The following GXYLT1 variants were observed in gnomAD, a reference collection of about 807,000 sequenced individuals.
GXYLT1 encodes glucoside xylosyltransferase 1.
In GXYLT1, 29 loss-of-function variants were observed where a neutral mutation model predicts 54.0. The observed-to-expected ratio is 0.54, with a 90% CI of 0.40 to 0.73. The LOEUF (loss-of-function observed/expected upper bound fraction) is 0.73, where lower values mean the gene tolerates loss of function less well. GXYLT1 is among the 30% of genes least tolerant of loss of function. GXYLT1 has a pLI of 0.00. For synonymous variants in GXYLT1, 176 were observed against 204.1 expected (o/e 0.86, Z 1.17); for missense variants, 490 against 553.4 (o/e 0.89, Z 1.15).
At chr12:42,101,248 A>G (rs2065388207) in intron 5 of GXYLT1, among the ~76,000 whole-genome samples, 1 of 152,182 alleles carries the variant, frequency 6.6e-6, no homozygotes, top group African/African-American at 2.4e-5. Context: ...TGGGCAAAGG[A>G]TATGGGCAAG....
chr12:42,108,530 C>T (rs543720642), intron 4 of GXYLT1, among the ~76,000 whole-genome samples: 31 of 152,250 alleles, frequency 2.0e-4, no homozygotes, highest in Non-Finnish European at 3.8e-4. Context: ...ATTTCAAAAA[C>T]TTACAAAACC....
Position 42,123,952 on chromosome 12 carries a change from GA to G in GXYLT1, c.315-4782del, listed in dbSNP as rs770173569. ...GCAACACATAATGGACTAAAAGAAA[GA>G]AAAAAAAAAAAGAGTTGTGCTAAAT... is the stretch of plus-strand genomic sequence containing the variant. On this transcript the variant is annotated intron_variant, in intron 2 of 7. Transcript: ENST00000398675. 0.01 allele frequency among the ~76,000 whole-genome samples: 1,159 copies of G among 115,700 alleles called. 33 individuals are homozygous for G. In the East Asian group the frequency reaches 0.12, roughly 12 times the overall value. 75.9% of individuals were successfully genotyped at this position (115,700 alleles called of 152,430 possible).
intron 1 of GXYLT1, among the ~76,000 whole-genome samples, chr12:42,135,719 G>A (rs1282217317): frequency 6.6e-6 from 1 of 152,216 alleles, no homozygotes; most frequent in Non-Finnish European, 1.5e-5. Context: ...GCCACATACT[G>A]TGTGATTCCT....
intron 5 of GXYLT1, among the ~76,000 whole-genome samples, chr12:42,100,745 T>C (rs2065385188): frequency 6.6e-6 from 1 of 152,044 alleles, no homozygotes; most frequent in African/African-American, 2.4e-5. Flanking sequence ...ATTGAGTATG[T>C]TAAGGAAATA....
At chr12:42,093,046 A>G (rs956383254) in intron 7 of GXYLT1, among the ~76,000 whole-genome samples, 1 of 152,208 alleles carries the variant, frequency 6.6e-6, no homozygotes, top group Non-Finnish European at 1.5e-5. Context: ...ATGTCTCAAC[A>G]CCATCAAAAC....
intron 2 of GXYLT1, among the ~76,000 whole-genome samples, chr12:42,127,857 A>G (rs544432558): frequency 1.3e-5 from 2 of 152,360 alleles, no homozygotes; most frequent in South Asian, 4.1e-4. Flanking sequence ...ATTATCTTTA[A>G]AAGTTAATTT....
intron 7 of GXYLT1, among the ~76,000 whole-genome samples, chr12:42,092,840 G>A (rs824727): frequency 0.02 from 2,989 of 151,788 alleles, 113 homozygotes; most frequent in African/African-American, 0.068. Flanking sequence ...ATACACTAAC[G>A]CTAACAATAA....
intron 4 of GXYLT1, among the ~76,000 whole-genome samples, chr12:42,106,421 GATAA>G (rs1237430613): frequency 2.0e-5 from 3 of 152,126 alleles, no homozygotes; most frequent in Non-Finnish European, 4.4e-5. Flanking sequence ...AATTTCCTGA[GATAA>G]ATACAGAAAT....
Position 42,097,967 on chromosome 12 carries a change from GT to G in GXYLT1, c.930del (p.Lys310AsnfsTer2). 6.2e-7 allele frequency: 1 copy of G among 1,604,390 alleles called. No individual in the cohort carries two copies. Reference sequence around the variant, plus strand: ...TCTTGATCACCCCATGTGATGTTTAGTTTGTATTTTTTAAGCAATGGCATAA... The same window carrying G: ...TCTTGATCACCCCATGTGATGTTTAGTTGTATTTTTTAAGCAATGGCATAA... ...DILMPLLKKYKLNITWGDQDL... is the reference protein window; with the variant it reads ...DILMPLLKKYXLNITWGDQDL... On this transcript the variant is annotated frameshift_variant, in exon 6 of 8. Coordinates refer to ENST00000398675, the MANE Select transcript of GXYLT1 (RefSeq NM_173601.2). LOFTEE classifies it high-confidence loss of function.
intron 1 of GXYLT1, among the ~76,000 whole-genome samples, chr12:42,133,582 C>T (rs2065604262): frequency 2.0e-5 from 3 of 152,172 alleles, no homozygotes; most frequent in South Asian, 4.1e-4. Context: ...CAATGCCACA[C>T]CATTCTGATC....
intron 7 of GXYLT1, 54 bp from the exon 8 acceptor site, chr12:42,088,001 G>A (rs824722): frequency 0.74 from 631,826 of 852,984 alleles, 235,609 homozygotes; most frequent in African/African-American, 0.85. Flanking sequence ...AGGTACATAT[G>A]TAAGTTCAAT....
At chr12:42,114,815 G>A (rs1243345851) in intron 3 of GXYLT1, among the ~76,000 whole-genome samples, 1 of 152,276 alleles carries the variant, frequency 6.6e-6, no homozygotes, top group East Asian at 1.9e-4. Context: ...AAGCCTGGCA[G>A]AGACACAACC....
In GXYLT1 at chr12:42,144,722, C is replaced by T. The variant is rs1425794886; in HGVS notation, c.-76G>A. On this transcript the variant is annotated 5_prime_UTR_variant, in exon 1 of 8. Transcript: ENST00000398675. Reference sequence around the variant, plus strand: ...AACTGGAGCGGAGGGAGGGGCACCGCGCAGCCGCGGGCGCAACAAGTTCCT... The same window carrying T: ...AACTGGAGCGGAGGGAGGGGCACCGTGCAGCCGCGGGCGCAACAAGTTCCT... 1 of 1,165,908 alleles carries T rather than the reference C, an allele frequency of 8.6e-7. No homozygotes were observed. 72.2% of individuals were successfully genotyped at this position (1,165,908 alleles called of 1,614,324 possible). A position where few individuals can be genotyped will look rare whatever the true frequency, so the allele number is the denominator to read the frequency against.
chr12:42,129,308 T>C (rs1242077434), intron 2 of GXYLT1, among the ~76,000 whole-genome samples: 1 of 152,208 alleles, frequency 6.6e-6, no homozygotes, highest in Non-Finnish European at 1.5e-5. Flanking sequence ...CTCCATTAAA[T>C]ACTTATCTTT....
Position 42,119,188 on chromosome 12 carries a change from C to A in GXYLT1, c.315-17G>T, listed in dbSNP as rs1374418163. 1 of 1,497,030 alleles carries A rather than the reference C, an allele frequency of 6.7e-7. No homozygotes were observed. Among genetic ancestry groups the A allele is most frequent in the Non-Finnish European group, 9.0e-7 (1 of 1,117,116 alleles). The allele number at this position is 1,497,030 out of a possible 1,614,324, so 92.7% of individuals were successfully genotyped here. On this transcript the variant is annotated splice_polypyrimidine_tract_variant and intron_variant, in intron 2 of 7. Transcript: ENST00000398675. ...AGACTGTACCTAATAGGAAAGAAAACCACATTTTTCAACAGTTTTAGTATA... is the reference window on the plus strand; with the variant it reads ...AGACTGTACCTAATAGGAAAGAAAAACACATTTTTCAACAGTTTTAGTATA...
intron 2 of GXYLT1, among the ~76,000 whole-genome samples, chr12:42,119,476 G>GAGGA (rs1186827594): frequency 6.6e-6 from 1 of 150,464 alleles, no homozygotes; most frequent in African/African-American, 2.4e-5. Flanking sequence ...GGGAGGGAGG[G>GAGGA]AAGGAAAAAA....
Position 42,144,407 on chromosome 12 carries a change from C to T in GXYLT1, c.221+19G>A. The stretch of plus-strand genomic sequence containing the variant: ...CGCCCCGCGCCCGCCGCGTCCCCCA[C>T]ACCGGGAACTGCCCGTACCTGTCCG... On this transcript the variant is annotated intron_variant, in intron 1 of 7. Transcript: ENST00000398675. The T allele has an allele frequency of 7.3e-7, 1 of 1,367,968 alleles. No individual in the cohort carries two copies. Among genetic ancestry groups the T allele is most frequent in the South Asian group, 1.5e-5 (1 of 67,024 alleles). 84.7% of individuals were successfully genotyped at this position (1,367,968 alleles called of 1,614,324 possible). A position where few individuals can be genotyped will look rare whatever the true frequency, so the allele number is the denominator to read the frequency against.
At chr12:42,132,331 T>C (rs1190355421) in intron 1 of GXYLT1, among the ~76,000 whole-genome samples, 1 of 152,202 alleles carries the variant, frequency 6.6e-6, no homozygotes, top group African/African-American at 2.4e-5. Context: ...AAGGAATAAC[T>C]AGAGTCAGCT....
chr12:42,144,727 C>T lies in GXYLT1; in HGVS notation c.-81G>A. 1 of 1,132,586 alleles carries T rather than the reference C, an allele frequency of 8.8e-7. No homozygotes were observed. Among genetic ancestry groups the T allele is most frequent in the South Asian group, 2.3e-5 (1 of 44,008 alleles). 70.2% of individuals were successfully genotyped at this position (1,132,586 alleles called of 1,614,324 possible). A position where few individuals can be genotyped will look rare whatever the true frequency, so the allele number is the denominator to read the frequency against. The stretch of plus-strand genomic sequence containing the variant: ...GAGCGGAGGGAGGGGCACCGCGCAG[C>T]CGCGGGCGCAACAAGTTCCTCACCC... On this transcript the variant is annotated 5_prime_UTR_variant, in exon 1 of 8. Transcript: ENST00000398675.
Sources: gnomAD v4.1 joint callset for allele counts (sites outside exome capture counted in the v4.1 genomes callset) on GRCh38, gnomAD v4.1.1 for gene constraint, MANE v1.5 for transcripts, NCBI Gene and HGNC (gene_info 2026-07-23, HGNC 2026-07-21) for gene names.